The following MAPT variants were observed in gnomAD, a reference collection of about 807,000 sequenced individuals.
MAPT encodes microtubule-associated protein tau.
MAPT carries 34 observed loss-of-function variants against 67.9 expected under a neutral mutation model. The observed-to-expected ratio is 0.50, with a 90% CI of 0.38 to 0.67. The LOEUF (loss-of-function observed/expected upper bound fraction) is 0.67. Ranked by LOEUF, MAPT falls within the 30% of genes least tolerant of loss-of-function variation. The pLI is 0.00. For missense variants in MAPT, 881 were observed against 1,115.2 expected, an observed-to-expected ratio of 0.79 and a Z score of 2.99; for synonymous variants, 456 against 464.5, an observed-to-expected ratio of 0.98 and a Z score of 0.23.
intron 1 of MAPT, among the ~76,000 whole-genome samples, chr17:45,927,769 G>C (rs1000675715): frequency 6.6e-6 from 1 of 152,018 alleles, no homozygotes; most frequent in Non-Finnish European, 1.5e-5. Flanking sequence ...GGGAGGCCAA[G>C]GTGGGTGGAT....
At chr17:45,981,429 G>T (rs925729934) in intron 4 of MAPT, among the ~76,000 whole-genome samples, 2 of 152,180 alleles carry the variant, frequency 1.3e-5, no homozygotes. Context: ...GTGTGCCCTT[G>T]ATCAGCTGGG....
intron 9 of MAPT, among the ~76,000 whole-genome samples, chr17:46,003,979 TAGAC>T (rs1418163908): frequency 2.6e-5 from 4 of 152,238 alleles, no homozygotes; most frequent in African/African-American, 9.6e-5. Flanking sequence ...TAACAGGACA[TAGAC>T]AGGTTTTCCT....
Position 46,026,701 on chromosome 17 carries a change from GAGGA to G in MAPT, c.*2535_*2538del, listed in dbSNP as rs886053045. 2.0e-5 allele frequency: 3 copies of G among 152,444 alleles called. No individual in the cohort carries two copies. Among genetic ancestry groups the G allele is most frequent in the Non-Finnish European group, 4.4e-5 (3 of 68,226 alleles). 9.4% of individuals were successfully genotyped at this position (152,444 alleles called of 1,614,324 possible). On this transcript the variant is annotated 3_prime_UTR_variant, in exon 13 of 13. Coordinates refer to ENST00000262410, the MANE Select transcript of MAPT (RefSeq NM_001377265.1). ...CTCTAGAGGCCCAAGCTGCCTGCCT[GAGGA>G]AGGATGACTTGACAAGTCAGGAGAC...
chr17:45,990,439 C>T, intron 7 of MAPT: 1 of 435,764 alleles, frequency 2.3e-6, no homozygotes, highest in South Asian at 1.8e-5. Flanking sequence ...CATGGCAAAA[C>T]CCTGTCTCTA....
At chr17:45,968,188 A>C (rs1159205916) in intron 2 of MAPT, among the ~76,000 whole-genome samples, 3 of 149,132 alleles carry the variant, frequency 2.0e-5, no homozygotes, top group African/African-American at 7.5e-5. Context: ...AGCCAGAAAA[A>C]CAAAACAAAA....
intron 12 of MAPT, among the ~76,000 whole-genome samples, chr17:46,022,462 G>A (rs560046557): frequency 8.6e-5 from 13 of 151,534 alleles, no homozygotes; most frequent in African/African-American, 2.7e-4. Flanking sequence ...GCTTAAATGC[G>A]AACCTGGTTT....
In MAPT at chr17:45,906,620, A is replaced by G. The variant is rs910611102; in HGVS notation, c.-18+11934A>G. Among the ~76,000 whole-genome samples, 1 of 152,050 alleles carries G rather than the reference A, an allele frequency of 6.6e-6. No homozygotes were observed. Among genetic ancestry groups the G allele is most frequent in the Non-Finnish European group, 1.5e-5 (1 of 68,012 alleles). On this transcript the variant is annotated intron_variant, in intron 1 of 12. Coordinates refer to ENST00000262410, the MANE Select transcript of MAPT (RefSeq NM_001377265.1). The surrounding 1 kb of genome is among the most constrained non-coding windows in gnomAD (Gnocchi z 4.3). ...GATGGTGGGAGGTATTTCAGGGTGT[A>G]TGCATAACCCCCACCCTGACAATGG...
At chr17:45,993,952 C>T (rs1398303473) in intron 8 of MAPT, 2 of 1,576,156 alleles carry the variant, frequency 1.3e-6, no homozygotes, top group Non-Finnish European at 8.6e-7. Flanking sequence ...GAAGACCACC[C>T]CCTGCAGGGC....
intron 8 of MAPT, among the ~76,000 whole-genome samples, chr17:45,994,507 G>A (rs931164516): frequency 1.3e-5 from 2 of 152,022 alleles, no homozygotes; most frequent in Admixed American, 1.3e-4. Flanking sequence ...GCCACAGAGC[G>A]TACTACTTCA....
intron 1 of MAPT, among the ~76,000 whole-genome samples, chr17:45,941,785 A>G (rs956452486): frequency 1.2e-4 from 17 of 145,606 alleles, no homozygotes; most frequent in African/African-American, 4.1e-4. Flanking sequence ...GTTTCAGGAC[A>G]TAAATGTTGT....
chr17:45,996,738 G>A lies in MAPT; in HGVS notation c.1998+74G>A, dbSNP rs2074510342. On this transcript the variant is annotated intron_variant, in intron 9 of 12. Coordinates refer to ENST00000262410, the MANE Select transcript of MAPT (RefSeq NM_001377265.1). The surrounding 1 kb of genome is among the most constrained non-coding windows in gnomAD (Gnocchi z 4.5). ...GGGTAGGGCTGTGCCTGGAAGGGTA[G>A]GGCTGCGCCTGGAGGTGCGCGGTTG... The A allele has an allele frequency of 6.3e-7, 1 of 1,579,020 alleles. No individual in the cohort carries two copies. Among genetic ancestry groups the A allele is most frequent in the Admixed American group, 1.8e-5 (1 of 55,938 alleles).
intron 12 of MAPT, among the ~76,000 whole-genome samples, chr17:46,019,646 G>T (rs1404146007): frequency 1.3e-5 from 2 of 151,770 alleles, no homozygotes; most frequent in African/African-American, 4.8e-5. Context: ...TGGGATTACA[G>T]GTGTGAGCCA....
At chr17:45,999,766 C>T (rs2074842117) in intron 9 of MAPT, 2 of 1,051,536 alleles carry the variant, frequency 1.9e-6, no homozygotes, top group Admixed American at 3.0e-5. Flanking sequence ...GGTGACTTGA[C>T]TTTTCTTGAG....
intron 1 of MAPT, among the ~76,000 whole-genome samples, chr17:45,940,213 C>T (rs1318765811): frequency 1.3e-5 from 2 of 152,208 alleles, no homozygotes; most frequent in Admixed American, 6.5e-5. Flanking sequence ...TGGAAAGCAA[C>T]TGTTTTCTGC....
rs143739668 is a variant in MAPT, at chr17:45,948,239, C to T, written c.-17-14082C>T. ...CAGGCTGGTCTCGAACTCCTGGCCT[C>T]AAGTGATCTGCCCACCTTGGCCTTC... On this transcript the variant is annotated intron_variant, in intron 1 of 12. Transcript: ENST00000262410. Among the ~76,000 whole-genome samples the T allele has an allele frequency of 1.9e-3, 289 of 152,278 alleles. 1 individual carries two copies. Among genetic ancestry groups the T allele is most frequent in the African/African-American group, 6.8e-3 (281 of 41,528 alleles).
In MAPT at chr17:45,983,533, G is replaced by T. The variant is rs750222134; in HGVS notation, c.954G>T (p.Gly318=). Residue 318 remains glycine (G), a synonymous_variant, in exon 5 of 13, where the codon GGG becomes GGT. Coordinates refer to ENST00000262410, the MANE Select transcript of MAPT (RefSeq NM_001377265.1). The part of the protein sequence containing the change: ...PPSKASPAQD[G]RPPQTAAREA... ...CCAAGGCCTCCCCAGCCCAAGATGG[G>T]CGGCCTCCCCAGACAGCCGCCAGAG... 1 of 1,612,908 alleles carries T rather than the reference G, an allele frequency of 6.2e-7. No homozygotes were observed. The highest frequency in any genetic ancestry group is 8.5e-7 in the Non-Finnish European group (1 of 1,179,924).
chr17:45,987,732 A>G (rs192855406), intron 6 of MAPT, among the ~76,000 whole-genome samples: 2 of 152,360 alleles, frequency 1.3e-5, no homozygotes, highest in East Asian at 1.9e-4. Flanking sequence ...AGCTCTGAGC[A>G]TTCAGTGGTG....
At chr17:45,994,367 C>G (rs1449695620) in intron 8 of MAPT, among the ~76,000 whole-genome samples, 3 of 152,184 alleles carry the variant, frequency 2.0e-5, no homozygotes, top group Non-Finnish European at 2.9e-5. Flanking sequence ...CACCCTGGGT[C>G]TCTGAAGTCA....
chr17:45,923,432 C>A (rs2065951670), intron 1 of MAPT, among the ~76,000 whole-genome samples: 1 of 152,148 alleles, frequency 6.6e-6, no homozygotes, highest in Admixed American at 6.5e-5. Flanking sequence ...GGAAGGGCAC[C>A]CTGGAAGGGG....
Sources: allele counts gnomAD v4.1 joint callset (sites outside exome capture counted in the v4.1 genomes callset), GRCh38; gene constraint gnomAD v4.1.1; non-coding constraint Gnocchi (gnomAD v3.1); transcripts MANE v1.5; gene names NCBI Gene and HGNC (gene_info 2026-07-23, HGNC 2026-07-21).